The following TES variants were observed in gnomAD, a reference collection of about 807,000 sequenced individuals.
TES encodes testin LIM domain protein, also known as testin.
In TES, 41 loss-of-function variants were observed where a neutral mutation model predicts 48.2. That is an observed-to-expected ratio of 0.85 (90% CI 0.66 to 1.10). The LOEUF (loss-of-function observed/expected upper bound fraction) is 1.10. Among genes scored for constraint, TES ranks in the 50% least tolerant of loss-of-function variants. The pLI, the probability that TES is intolerant of heterozygous loss-of-function variation, is 0.00. For missense variants in TES, 463 were observed against 515.1 expected (o/e 0.90, Z 0.98); for synonymous variants, 162 against 174.9 (o/e 0.93, Z 0.58).
chr7:116,234,693 C>A, intron 2 of TES, 74 bp downstream of exon 2: 8 of 1,217,286 alleles, frequency 6.6e-6, no homozygotes, highest in Non-Finnish European at 9.7e-6. Flanking sequence ...GTGGAGATAT[C>A]TTCGAGTTCT....
At chr7:116,232,465 G>A (rs1799712127) in intron 1 of TES, among the ~76,000 whole-genome samples, 1 of 152,164 alleles carries the variant, frequency 6.6e-6, no homozygotes, top group African/African-American at 2.4e-5. Flanking sequence ...AGCAGGAGAT[G>A]CATGAACATA....
intron 1 of TES, among the ~76,000 whole-genome samples, chr7:116,222,359 C>T (rs1799567277): frequency 6.6e-6 from 1 of 152,158 alleles, no homozygotes; most frequent in Non-Finnish European, 1.5e-5. Flanking sequence ...TCCTCCTGCT[C>T]CTCTGGGCAG....
chr7:116,229,815 T>C (rs1425110039), intron 1 of TES, among the ~76,000 whole-genome samples: 1 of 152,214 alleles, frequency 6.6e-6, no homozygotes, highest in Non-Finnish European at 1.5e-5. Context: ...AATCTGAAAC[T>C]AGGCACATCC....
chr7:116,234,641 C>T (rs1391348856), intron 2 of TES, 22 bp downstream of exon 2: 2 of 1,585,014 alleles, frequency 1.3e-6, no homozygotes, highest in South Asian at 1.1e-5. Context: ...AAAACTGCAA[C>T]CACATTAGTA....
At position 116,210,576 on chromosome 7, in the gene TES, G is replaced by A. The variant is rs534304866; in HGVS notation, c.-132G>A. ...TGGGCGGCGGAAGTTCGACGGCGCC[G>A]GGCGAGTGGCTGTTGAGCGGCGCCG... On this transcript the variant is annotated 5_prime_UTR_variant, in exon 1 of 7. Transcript: ENST00000358204. 2.9e-6 allele frequency: 3 copies of A among 1,035,610 alleles called. No homozygotes were observed. The highest frequency in any genetic ancestry group is 8.8e-5 in the Admixed American group (2 of 22,680). 64.2% of individuals were successfully genotyped at this position (1,035,610 alleles called of 1,614,324 possible).
chr7:116,231,324 C>T (rs1239008097), intron 1 of TES, among the ~76,000 whole-genome samples: 1 of 152,110 alleles, frequency 6.6e-6, no homozygotes, highest in Non-Finnish European at 1.5e-5. Context: ...AAAATGATAG[C>T]TATTTTAAGA....
Position 116,252,339 on chromosome 7 carries a change from AC to A in TES, c.943del (p.Gln315ArgfsTer9). The A allele has an allele frequency of 6.2e-7, 1 of 1,613,490 alleles. No homozygotes were observed. Among genetic ancestry groups the A allele is most frequent in the Non-Finnish European group, 8.5e-7 (1 of 1,179,410 alleles). On this transcript the variant is annotated frameshift_variant, in exon 6 of 7. Coordinates refer to ENST00000358204, the MANE Select transcript of TES (RefSeq NM_015641.4). LOFTEE classifies it high-confidence loss of function. The stretch of plus-strand genomic sequence containing the variant: ...CTAGCTGATATTCAGCAATGAGTAT[AC>A]CCAGGCAGAAAACCAGAATTGGCAC... The part of the protein sequence containing the change: ...CDELIFSNEY[T>X]QAENQNWHLK...
intron 2 of TES, among the ~76,000 whole-genome samples, chr7:116,248,758 G>A (rs1347664603): frequency 6.6e-6 from 1 of 151,946 alleles, no homozygotes; most frequent in East Asian, 1.9e-4. Context: ...AGTTTCTTTT[G>A]CTTTGTAGAA....
intron 1 of TES, among the ~76,000 whole-genome samples, chr7:116,221,277 G>A (rs1255389614): frequency 2.0e-5 from 3 of 152,072 alleles, no homozygotes; most frequent in Non-Finnish European, 4.4e-5. Flanking sequence ...GCTATGCAAA[G>A]GATTCAAAGC....
chr7:116,216,469 A>C (rs2116571048), intron 1 of TES, among the ~76,000 whole-genome samples: 1 of 152,228 alleles, frequency 6.6e-6, no homozygotes, highest in Middle Eastern at 3.4e-3. Context: ...AAAAATCAGT[A>C]GGGGAACCAG....
intron 4 of TES, 91 bp from the exon 5 acceptor site, chr7:116,251,665 AGAGT>A (rs539522463): frequency 5.7e-4 from 649 of 1,145,772 alleles, no homozygotes; most frequent in Non-Finnish European, 7.8e-4. Context: ...CCTGGGCGAC[AGAGT>A]GAGACTCAGT....
chr7:116,250,451 G>C lies in TES; in HGVS notation c.657G>C (p.Val219=), dbSNP rs1563014596. Residue 219 remains valine (V), a synonymous_variant, in exon 4 of 7, where the codon GTG becomes GTC. Transcript: ENST00000358204. ...PGGDRSTPAA[V]GAMEDKSAEH... ...GGGATAGAAGCACCCCAGCAGCAGTGGGGGCCATGGAGGACAAATCTGCTG... is the reference window on the plus strand; with the variant it reads ...GGGATAGAAGCACCCCAGCAGCAGTCGGGGCCATGGAGGACAAATCTGCTG... The C allele has an allele frequency of 2.5e-6, 4 of 1,588,372 alleles. No individual in the cohort carries two copies. The highest frequency in any genetic ancestry group is 3.4e-6 in the Non-Finnish European group (4 of 1,168,698).
rs1183259166 is a variant in TES at position 116,258,431 on chromosome 7, T to C, written c.*949T>C. ...CTGACCCACACACTTTTTACTTGTA[T>C]AGATGATTTTTGGCTTGGACATAAA... On this transcript the variant is annotated 3_prime_UTR_variant, in exon 7 of 7. Transcript: ENST00000358204. 1.3e-5 allele frequency: 2 copies of C among 152,584 alleles called. No homozygotes were observed. The highest frequency in any genetic ancestry group is 4.1e-4 in the South Asian group (2 of 4,832). 9.5% of individuals were successfully genotyped at this position (152,584 alleles called of 1,614,324 possible). A position where few individuals can be genotyped will look rare whatever the true frequency, so the allele number is the denominator to read the frequency against.
chr7:116,226,599 G>A (rs1799624178), intron 1 of TES, among the ~76,000 whole-genome samples: 1 of 152,184 alleles, frequency 6.6e-6, no homozygotes, highest in African/African-American at 2.4e-5. Flanking sequence ...CAAGGGGAGT[G>A]TTATGATTAT....
chr7:116,251,575 C>T lies in TES; in HGVS notation c.703-185C>T, dbSNP rs1023130384. On this transcript the variant is annotated intron_variant, in intron 4 of 6. Coordinates refer to ENST00000358204, the MANE Select transcript of TES (RefSeq NM_015641.4). ...GCAGGCGCCTGTAGTCCCAGCTACTCGGGAGGCTGAGGCAGGAGAACGGCG... is the reference window on the plus strand; with the variant it reads ...GCAGGCGCCTGTAGTCCCAGCTACTTGGGAGGCTGAGGCAGGAGAACGGCG... The T allele has an allele frequency of 4.1e-5, 24 of 582,062 alleles. No homozygotes were observed. The East Asian group carries it at 5.7e-4, about 14-fold the overall frequency. The allele number at this position is 582,062 out of a possible 1,614,324, so 36.1% of individuals were successfully genotyped here. A position where few individuals can be genotyped will look rare whatever the true frequency, so the allele number is the denominator to read the frequency against.
intron 1 of TES, among the ~76,000 whole-genome samples, chr7:116,231,205 T>C (rs1799695728): frequency 6.6e-6 from 1 of 152,136 alleles, no homozygotes; most frequent in Admixed American, 6.6e-5. Flanking sequence ...ATTTTCCTGA[T>C]CTCTTACATG....
At chr7:116,253,635 A>G (rs1419576835) in intron 6 of TES, among the ~76,000 whole-genome samples, 2 of 152,168 alleles carry the variant, frequency 1.3e-5, no homozygotes, top group East Asian at 3.8e-4. Flanking sequence ...CACGTTCACC[A>G]TCATTTTCTA....
intron 1 of TES, among the ~76,000 whole-genome samples, chr7:116,226,346 G>A (rs1247284948): frequency 2.0e-5 from 3 of 152,164 alleles, no homozygotes; most frequent in African/African-American, 7.2e-5. Context: ...CAAGGGGATA[G>A]TTAAAGAAAG....
intron 1 of TES, among the ~76,000 whole-genome samples, chr7:116,224,641 T>A (rs1563006477): frequency 6.6e-6 from 1 of 152,136 alleles, no homozygotes; most frequent in Non-Finnish European, 1.5e-5. Flanking sequence ...CTTCTGAGGA[T>A]CCCCTTGTGT....
Sources: allele counts gnomAD v4.1 joint callset (sites outside exome capture counted in the v4.1 genomes callset), GRCh38; gene constraint gnomAD v4.1.1; transcripts MANE v1.5; gene names NCBI Gene and HGNC (gene_info 2026-07-23, HGNC 2026-07-21).